The following ADK variants were observed in gnomAD, a reference collection of about 807,000 sequenced individuals.
ADK encodes N6,N6-dimethyladenosine kinase.
ADK carries 24 observed loss-of-function variants against 44.7 expected under a neutral mutation model. That is an observed-to-expected ratio of 0.54 (90% CI 0.39 to 0.76). ADK has a LOEUF of 0.76. ADK is among the 30% of genes least tolerant of loss of function. The pLI is 0.00. For synonymous variants in ADK, 128 were observed against 142.6 expected (o/e 0.90, Z 0.73); for missense variants, 321 against 425.1 (o/e 0.76, Z 2.15).
intron 9 of ADK, among the ~76,000 whole-genome samples, chr10:74,661,019 A>C (rs1854702430): frequency 6.6e-6 from 1 of 152,106 alleles, no homozygotes; most frequent in South Asian, 2.1e-4. Context: ...GTGACAGAGC[A>C]AGACTCTGTC....
At chr10:74,654,627 A>G (rs1277458153) in intron 9 of ADK, among the ~76,000 whole-genome samples, 1 of 152,178 alleles carries the variant, frequency 6.6e-6, no homozygotes, top group African/African-American at 2.4e-5. Context: ...CCTGGCCAAC[A>G]TGGGGAAACC....
chr10:74,603,681 G>C (rs1017922369), intron 9 of ADK, among the ~76,000 whole-genome samples: 3 of 151,750 alleles, frequency 2.0e-5, no homozygotes, highest in African/African-American at 7.3e-5. Context: ...GGTTGACTTT[G>C]CTATTGTGAA....
chr10:74,640,570 C>CT (rs1320305309), intron 9 of ADK, among the ~76,000 whole-genome samples: 10 of 152,204 alleles, frequency 6.6e-5, no homozygotes, highest in Admixed American at 1.3e-4. Flanking sequence ...TCTAATATAT[C>CT]TTTCAGTTCT....
chr10:74,509,578 G>A (rs975522475), intron 6 of ADK: 1 of 151,948 alleles, frequency 6.6e-6, no homozygotes, highest in Non-Finnish European at 1.5e-5. Flanking sequence ...TCATTTCTTT[G>A]TGTTAAGAAC....
chr10:74,566,002 A>T (rs948123540), intron 7 of ADK, among the ~76,000 whole-genome samples: 3 of 152,136 alleles, frequency 2.0e-5, no homozygotes, highest in Non-Finnish European at 4.4e-5. Context: ...TAAGTGGCAG[A>T]TGCCTTATCT....
At chr10:74,549,159 C>A (rs1849941711) in intron 7 of ADK, among the ~76,000 whole-genome samples, 1 of 152,126 alleles carries the variant, frequency 6.6e-6, no homozygotes, top group Non-Finnish European at 1.5e-5. Context: ...TTTAATCATT[C>A]AATTTATAAA....
intron 7 of ADK, among the ~76,000 whole-genome samples, chr10:74,562,834 A>C (rs996334730): frequency 6.6e-6 from 1 of 152,178 alleles, no homozygotes; most frequent in African/African-American, 2.4e-5. Flanking sequence ...TAACTTTTAA[A>C]CTGTCCTTGT....
At chr10:74,443,295 G>T (rs552598009) in intron 6 of ADK, among the ~76,000 whole-genome samples, 1 of 151,960 alleles carries the variant, frequency 6.6e-6, no homozygotes, top group Non-Finnish European at 1.5e-5. Flanking sequence ...TGTAATTTTT[G>T]TCAGTTATAA....
At chr10:74,654,230 A>G in intron 9 of ADK, among the ~76,000 whole-genome samples, 1 of 152,218 alleles carries the variant, frequency 6.6e-6, no homozygotes, top group Non-Finnish European at 1.5e-5. Flanking sequence ...GAAGGGTCAC[A>G]TTTAGAATAC....
chr10:74,300,686 G>A (rs1454790137), intron 3 of ADK, among the ~76,000 whole-genome samples: 4 of 151,954 alleles, frequency 2.6e-5, no homozygotes. Flanking sequence ...CCTTTATATG[G>A]TTTCTTAATT....
intron 4 of ADK, among the ~76,000 whole-genome samples, chr10:74,375,005 C>A (rs577565734): frequency 2.5e-4 from 38 of 152,182 alleles, no homozygotes; most frequent in African/African-American, 8.9e-4. Flanking sequence ...CTTCTATTCC[C>A]TCACAGAGTA....
chr10:74,157,675 T>C (rs1433792224), intron 1 of ADK, among the ~76,000 whole-genome samples: 1 of 151,246 alleles, frequency 6.6e-6, no homozygotes, highest in Non-Finnish European at 1.5e-5. Context: ...GGTTGGGAAT[T>C]TGAGACCAGC....
intron 6 of ADK, among the ~76,000 whole-genome samples, chr10:74,411,879 G>T (rs531484668): frequency 6.6e-4 from 100 of 152,150 alleles, no homozygotes; most frequent in Non-Finnish European, 5.3e-4. Context: ...TGAATTTTTC[G>T]TTGTCATTTC....
chr10:74,266,862 TTGG>T (rs1846232965), intron 3 of ADK, among the ~76,000 whole-genome samples: 1 of 152,196 alleles, frequency 6.6e-6, no homozygotes, highest in South Asian at 2.1e-4. Flanking sequence ...CAGAAGGAAC[TTGG>T]TGTTTTAATA....
intron 4 of ADK, among the ~76,000 whole-genome samples, chr10:74,386,635 C>T (rs1422260197): frequency 2.0e-5 from 3 of 152,164 alleles, no homozygotes; most frequent in Non-Finnish European, 4.4e-5. Flanking sequence ...TCATGTGTTG[C>T]TTTCTACCCT....
At chr10:74,328,949 A>G (rs1386639862) in intron 4 of ADK, among the ~76,000 whole-genome samples, 1 of 152,000 alleles carries the variant, frequency 6.6e-6, no homozygotes, top group African/African-American at 2.4e-5. Flanking sequence ...CACTGAGAAG[A>G]TACTAATTGT....
At chr10:74,467,239 C>T (rs1846390632) in intron 6 of ADK, among the ~76,000 whole-genome samples, 1 of 152,096 alleles carries the variant, frequency 6.6e-6, no homozygotes, top group Admixed American at 6.5e-5. Context: ...TTAATGGTCT[C>T]TTACCTTTTG....
At chr10:74,274,345 T>A (rs1564628142) in intron 3 of ADK, among the ~76,000 whole-genome samples, 1 of 152,070 alleles carries the variant, frequency 6.6e-6, no homozygotes. Context: ...GTGGATCACC[T>A]GAGGTCAGGA....
chr10:74,398,586 A>G lies in ADK; in HGVS notation c.555+7A>G. 1 of 1,508,818 alleles carries G rather than the reference A, an allele frequency of 6.6e-7. No homozygotes were observed. The highest frequency in any genetic ancestry group is 1.1e-5 in the South Asian group (1 of 88,088). The allele number at this position is 1,508,818 out of a possible 1,614,324, so 93.5% of individuals were successfully genotyped here. A position where few individuals can be genotyped will look rare whatever the true frequency, so the allele number is the denominator to read the frequency against. On this transcript the variant is annotated splice_region_variant and intron_variant, in intron 6 of 10. Coordinates refer to ENST00000539909, the MANE Select transcript of ADK (RefSeq NM_006721.4). ...AAGAGTTTGTTATATAGCAGTAAGT[A>G]CTTACCTAATTCAAATCTCTAGTAC...
Sources: gnomAD v4.1 joint callset for allele counts (sites outside exome capture counted in the v4.1 genomes callset) on GRCh38, gnomAD v4.1.1 for gene constraint, MANE v1.5 for transcripts, NCBI Gene and HGNC (gene_info 2026-07-23, HGNC 2026-07-21) for gene names.